FBXO41: variants seen among roughly 807,000 people sequenced by gnomAD.
FBXO41 encodes F-box only protein 41.
FBXO41 carries 33 observed loss-of-function variants against 81.6 expected under a neutral mutation model. The observed-to-expected ratio is 0.40, with a 90% confidence interval of 0.31 to 0.54. The LOEUF (loss-of-function observed/expected upper bound fraction) is 0.54, where lower values mean the gene tolerates loss of function less well. FBXO41 is among the 20% of genes least tolerant of loss of function. The probability of loss-of-function intolerance (pLI) is 0.39; values close to 1 mark genes in which losing one functional copy is unlikely to be tolerated. For synonymous variants in FBXO41, 576 were observed against 552.7 expected (o/e 1.04, Z -0.59); for missense variants, 1,107 against 1,236.0 (o/e 0.90, Z 1.56).
At chr2:73,271,006 C>A in intron 1 of FBXO41, 1 of 499,838 alleles carries the variant, frequency 2.0e-6, no homozygotes, top group South Asian at 1.5e-5. Context: ...GGATTTTCCC[C>A]TGGGTTCTGC....
At position 73,260,246 on chromosome 2, in the gene FBXO41, C is replaced by G. The variant is rs1687958214; in HGVS notation, c.2449+143G>C. On this transcript the variant is annotated intron_variant, in intron 11 of 12. Transcript: ENST00000520530. The surrounding 1 kb of genome is among the most constrained non-coding windows in gnomAD (Gnocchi z 5.0). ...GACCTAGGTCAGTCAGGCTCTAGAACCAGTGCTCTTAACCTGTCCCCCTGC... is the reference window on the plus strand; with the variant it reads ...GACCTAGGTCAGTCAGGCTCTAGAAGCAGTGCTCTTAACCTGTCCCCCTGC... 3.5e-6 allele frequency: 4 copies of G among 1,137,942 alleles called. No individual in the cohort carries two copies. The Admixed American group carries it at 1.0e-4, about 29-fold the overall frequency. 70.5% of individuals were successfully genotyped at this position (1,137,942 alleles called of 1,614,324 possible).
chr2:73,277,474 A>G (rs1688730664), intron 1 of FBXO41, among the ~76,000 whole-genome samples: 1 of 152,120 alleles, frequency 6.6e-6, no homozygotes, highest in African/African-American at 2.4e-5. Flanking sequence ...TGTGTCCCCA[A>G]ATCAGCAACC....
chr2:73,264,591 G>A, intron 5 of FBXO41, 72 bp from the exon 6 acceptor site: 1 of 1,588,726 alleles, frequency 6.3e-7, no homozygotes, highest in Non-Finnish European at 8.5e-7. Flanking sequence ...GTGGGGAGCT[G>A]GGGCAGGGTA....
chr2:73,262,938 T>C (rs1187017500), intron 9 of FBXO41, among the ~76,000 whole-genome samples: 2 of 152,148 alleles, frequency 1.3e-5, no homozygotes, highest in East Asian at 3.9e-4. Flanking sequence ...AGAGACAGGG[T>C]GTCTCCATGT....
intron 1 of FBXO41, among the ~76,000 whole-genome samples, chr2:73,276,557 A>C (rs1306542643): frequency 2.1e-5 from 3 of 144,318 alleles, no homozygotes; most frequent in Admixed American, 7.1e-5. Flanking sequence ...TGGCAAATCT[A>C]TTCAGAGAGA....
intron 9 of FBXO41, among the ~76,000 whole-genome samples, chr2:73,262,179 C>A (rs1688041855): frequency 6.6e-6 from 1 of 151,900 alleles, no homozygotes; most frequent in Non-Finnish European, 1.5e-5. Context: ...GCTGAGATTG[C>A]ACCACTGCAC....
chr2:73,264,418 C>A lies in FBXO41; in HGVS notation c.1666G>T (p.Ala556Ser), dbSNP rs1308041840. Residue 556 changes from alanine (A) to serine (S), a missense_variant, in exon 6 of 13, where the codon GCC (alanine) becomes TCC (serine). This residue lies in a region of FBXO41 where 336 missense variants were observed against 446.7 expected (regional missense o/e 0.75). Transcript: ENST00000520530. The part of the protein sequence containing the change: ...ISPEILKMRA[A>S]LFCIFTYLDT... ...AGGTAGGTGAAGATGCAGAAGAGGG[C>A]AGCTCGCATCTTCAGGATCTCTGGG... 6.2e-7 allele frequency: 1 copy of A among 1,613,968 alleles called. No individual in the cohort carries two copies. The highest frequency in any genetic ancestry group is 8.5e-7 in the Non-Finnish European group (1 of 1,179,906).
chr2:73,264,508 C>T lies in FBXO41; in HGVS notation c.1576G>A (p.Gly526Arg). Residue 526 changes from glycine (G) to arginine (R), a missense_variant, in exon 6 of 13, where the codon GGA (glycine) becomes AGA (arginine). Gly to Arg is a moderately radical substitution (Grantham distance 125, BLOSUM62 -2). This residue lies in a region of FBXO41 where 771 missense variants were observed against 789.2 expected (regional missense o/e 0.98). Transcript: ENST00000520530. ...GCTCGCCGACCCCGCCCACTGCCTCCCTCGGGGCGGGCTGCAGAATACCAG... is the reference window on the plus strand; with the variant it reads ...GCTCGCCGACCCCGCCCACTGCCTCTCTCGGGGCGGGCTGCAGAATACCAG... The part of the protein sequence containing the change: ...SSCRLSARPE[G>R]GSGRGRRAER... The T allele has an allele frequency of 6.2e-7, 1 of 1,613,648 alleles. No homozygotes were observed. Among genetic ancestry groups the T allele is most frequent in the Non-Finnish European group, 8.5e-7 (1 of 1,179,874 alleles).
At chr2:73,265,140 G>A in intron 5 of FBXO41, 142 bp downstream of exon 5, 1 of 772,936 alleles carries the variant, frequency 1.3e-6, no homozygotes, top group Non-Finnish European at 2.0e-6. Flanking sequence ...GCCCTGCCCT[G>A]TCACAAGAGT....
chr2:73,266,154 C>T lies in FBXO41; in HGVS notation c.1132-188G>A, dbSNP rs1387721180. Reference sequence around the variant, plus strand: ...CAGAGAGGCAGGCTTACCAGCCCCTCCCCACACCCACACAATACCCTGGAC... The same window carrying T: ...CAGAGAGGCAGGCTTACCAGCCCCTTCCCACACCCACACAATACCCTGGAC... On this transcript the variant is annotated intron_variant, in intron 3 of 12. Coordinates refer to ENST00000520530, the MANE Select transcript of FBXO41 (RefSeq NM_001371389.2). This position sits in a 1 kb window ranked among gnomAD's most constrained non-coding sequence, Gnocchi z 5.3. 6.6e-6 allele frequency among the ~76,000 whole-genome samples: 1 copy of T among 152,176 alleles called. No individual in the cohort carries two copies. Among genetic ancestry groups the T allele is most frequent in the South Asian group, 2.1e-4 (1 of 4,832 alleles).
chr2:73,264,176 G>A lies in FBXO41; in HGVS notation c.1806+102C>T, dbSNP rs1298990870. 1.5e-5 allele frequency: 23 copies of A among 1,575,922 alleles called. No homozygotes were observed. The African/African-American group carries it at 1.9e-4, about 13-fold the overall frequency. On this transcript the variant is annotated intron_variant, in intron 6 of 12. Transcript: ENST00000520530. ...TCAGGGAAGCCAGGTTGGCATTACA[G>A]TGTTGTAAGGGTTGCAAGGACCAGA...
chr2:73,282,771 CTG>C (rs35288591), intron 1 of FBXO41, among the ~76,000 whole-genome samples: 15,355 of 152,232 alleles, frequency 0.1, 1,254 homozygotes, highest in East Asian at 0.42. Context: ...CTAGAAACAA[CTG>C]TGTGGATATC....
At position 73,266,496 on chromosome 2, in the gene FBXO41, G is replaced by A. The variant is rs749079890; in HGVS notation, c.1092C>T (p.Gly364=). Reference sequence around the variant, plus strand: ...CCCGGGCATTGGGTCCAGCACCACCGCCCCCACCTCCACGGCCCAGGCTGG... The same window carrying A: ...CCCGGGCATTGGGTCCAGCACCACCACCCCCACCTCCACGGCCCAGGCTGG... ...PSASLGRGGG[G]GGAGPNARGP... Residue 364 remains glycine, a synonymous_variant, in exon 3 of 13, where the codon GGC becomes GGT. Transcript: ENST00000520530. This position sits in a 1 kb window ranked among gnomAD's most constrained non-coding sequence, Gnocchi z 5.3. The A allele has an allele frequency of 2.2e-5, 35 of 1,582,846 alleles. 1 individual carries two copies. The South Asian group carries it at 3.4e-4, about 15-fold the overall frequency.
At position 73,263,976 on chromosome 2, in the gene FBXO41, T is replaced by C. The variant is rs754790800; in HGVS notation, c.1884A>G (p.Gly628=). 1.2e-6 allele frequency: 2 copies of C among 1,607,388 alleles called. No homozygotes were observed. Among genetic ancestry groups the C allele is most frequent in the South Asian group, 2.2e-5 (2 of 89,974 alleles). ...TLQNLKPRQR[G]KKESKEEYAR... ...CATACTCCTCCTTGCTCTCCTTCTT[T>C]CCCCGCTGCCGGGGCTTCAAGTTCT... The change falls in exon 7 of 13, where the codon GGA becomes GGG. Residue 628 remains glycine (G), a synonymous_variant. Transcript: ENST00000520530.
Position 73,275,219 on chromosome 2 carries a change from G to A in FBXO41, c.-138-5451C>T, listed in dbSNP as rs1315191271. Among the ~76,000 whole-genome samples, 6 of 147,710 alleles carry A rather than the reference G, an allele frequency of 4.1e-5. No individual in the cohort carries two copies. The East Asian group carries it at 1.0e-3, about 25-fold the overall frequency. ...TTTTAAGACAGAGTTTCACTTTGTC[G>A]CCCAGGTTGGAGTACAGTGGTGTGG... On this transcript the variant is annotated intron_variant, in intron 1 of 12. Coordinates refer to ENST00000520530, the MANE Select transcript of FBXO41 (RefSeq NM_001371389.2).
In FBXO41 at chr2:73,260,245, ACCAGTGCTCTTAACCTGTCCCCCTG is replaced by A. The variant is rs1297347590; in HGVS notation, c.2449+119_2449+143del. 33 of 1,134,494 alleles carry A rather than the reference ACCAGTGCTCTTAACCTGTCCCCCTG, an allele frequency of 2.9e-5. No individual in the cohort carries two copies. The highest frequency in any genetic ancestry group is 3.7e-5 in the Non-Finnish European group (30 of 810,780). The allele number at this position is 1,134,494 out of a possible 1,614,324, so 70.3% of individuals were successfully genotyped here. The stretch of plus-strand genomic sequence containing the variant: ...GGACCTAGGTCAGTCAGGCTCTAGA[ACCAGTGCTCTTAACCTGTCCCCCTG>A]CCTCTGCCCTTGGCTGGAGACTCTG... On this transcript the variant is annotated intron_variant, in intron 11 of 12. Coordinates refer to ENST00000520530, the MANE Select transcript of FBXO41 (RefSeq NM_001371389.2). The surrounding 1 kb of genome is among the most constrained non-coding windows in gnomAD (Gnocchi z 5.0).
In FBXO41 at chr2:73,258,628, C is replaced by A; in HGVS notation, c.*354G>T. 1 of 256,460 alleles carries A rather than the reference C, an allele frequency of 3.9e-6. No individual in the cohort carries two copies. The highest frequency in any genetic ancestry group is 7.4e-6 in the Non-Finnish European group (1 of 134,634). The allele number at this position is 256,460 out of a possible 1,614,324, so 15.9% of individuals were successfully genotyped here. A position where few individuals can be genotyped will look rare whatever the true frequency, so the allele number is the denominator to read the frequency against. On this transcript the variant is annotated 3_prime_UTR_variant, in exon 13 of 13. Transcript: ENST00000520530. ...AGGCTGGGCCTCAGGAAGGAGAGGC[C>A]AGCCAGAACAGCTGAGGAGCCACTG...
chr2:73,276,733 A>G (rs1249654857), intron 1 of FBXO41, among the ~76,000 whole-genome samples: 9 of 151,990 alleles, frequency 5.9e-5, no homozygotes, highest in Admixed American at 5.9e-4. Context: ...AATTTTTGAA[A>G]ATCTGGGTAA....
rs545881500 is a variant in FBXO41, at chr2:73,278,679, C to T, written c.-139+5481G>A. ...TGAGGAATTGGGGGACTGGGGAACC[C>T]CCAGAGGTGGTGGCATCTAAGCTGA... On this transcript the variant is annotated intron_variant, in intron 1 of 12. Transcript: ENST00000520530. 4.1e-4 allele frequency among the ~76,000 whole-genome samples: 62 copies of T among 152,320 alleles called. 1 individual carries two copies. The South Asian group carries it at 0.012, about 30-fold the overall frequency.
Sources: allele counts gnomAD v4.1 joint callset (sites outside exome capture counted in the v4.1 genomes callset), GRCh38; gene constraint gnomAD v4.1.1; regional missense constraint gnomAD v4.1.1; non-coding constraint Gnocchi (gnomAD v3.1); transcripts MANE v1.5; gene names NCBI Gene and HGNC (gene_info 2026-07-23, HGNC 2026-07-21).